LRRC18: variants seen among roughly 807,000 people sequenced by gnomAD.
LRRC18 encodes leucine rich repeat containing 18, also known as leucine-rich repeat-containing protein 18.
A neutral mutation model predicts 11.2 loss-of-function variants in LRRC18; 12 were observed. That is an observed-to-expected ratio of 1.07 (90% CI 0.69 to 1.74). The LOEUF (loss-of-function observed/expected upper bound fraction) is 1.74, where lower values mean the gene tolerates loss of function less well. Among genes scored for constraint, LRRC18 ranks in the 40% most tolerant of loss-of-function variants. The pLI, the probability that LRRC18 is intolerant of heterozygous loss-of-function variation, is 0.00. For synonymous variants in LRRC18, 155 were observed against 130.6 expected (o/e 1.19, Z -1.27); for missense variants, 374 against 330.5 (o/e 1.13, Z -1.02).
upstream of LRRC18, among the ~76,000 whole-genome samples, chr10:48,917,046 C>T (rs924222612): frequency 1.3e-5 from 2 of 152,092 alleles, no homozygotes; most frequent in Non-Finnish European, 2.9e-5. Context: ...CCTTGTGTTA[C>T]AATTGCCTAT....
At chr10:48,913,066 G>T (rs779845218) in intron 1 of LRRC18, among the ~76,000 whole-genome samples, 1 of 152,194 alleles carries the variant, frequency 6.6e-6, no homozygotes, top group African/African-American at 2.4e-5. Flanking sequence ...GTGTGTGGCG[G>T]CATTAGCTGC....
the LRRC18 span, among the ~76,000 whole-genome samples, chr10:48,934,271 C>G: frequency 9.2e-5 from 14 of 152,224 alleles, no homozygotes; most frequent in Non-Finnish European, 1.5e-4. Context: ...AAAGACACTA[C>G]CTACTTTTTA....
At chr10:48,923,957 C>T in the LRRC18 span, among the ~76,000 whole-genome samples, 34 of 152,176 alleles carry the variant, frequency 2.2e-4, no homozygotes, top group Non-Finnish European at 4.4e-4. Flanking sequence ...ACAGCCCACC[C>T]ACACTGTGAG....
At chr10:48,926,928 G>A in the LRRC18 span, among the ~76,000 whole-genome samples, 1 of 152,184 alleles carries the variant, frequency 6.6e-6, no homozygotes, top group Non-Finnish European at 1.5e-5. Context: ...CAGTGTGAAC[G>A]CCTTGCCACA....
At chr10:48,910,216 C>G in exon 2 of LRRC18, 1 of 1,330,976 alleles carries the variant, frequency 7.5e-7, no homozygotes. Flanking sequence ...GAGTAGTCTT[C>G]AAGATTTTGC....
chr10:48,931,693 G>A, the LRRC18 span, among the ~76,000 whole-genome samples: 1 of 152,216 alleles, frequency 6.6e-6, no homozygotes, highest in Non-Finnish European at 1.5e-5. Flanking sequence ...TTCAGAAAAT[G>A]CTGCAATGTC....
the LRRC18 span, among the ~76,000 whole-genome samples, chr10:48,920,469 A>G: frequency 6.6e-6 from 1 of 152,216 alleles, no homozygotes; most frequent in African/African-American, 2.4e-5. Flanking sequence ...ATACATATGT[A>G]ACTAACCTGC....
chr10:48,923,267 G>C, the LRRC18 span, among the ~76,000 whole-genome samples: 8 of 151,894 alleles, frequency 5.3e-5, no homozygotes, highest in African/African-American at 1.9e-4. Context: ...GGGGGATGTT[G>C]TGTACCACAG....
At chr10:48,923,506 A>G in the LRRC18 span, among the ~76,000 whole-genome samples, 17 of 115,164 alleles carry the variant, frequency 1.5e-4, 2 homozygotes, top group Non-Finnish European at 2.3e-4. Flanking sequence ...GTATATATAT[A>G]TATATATGTC....
the LRRC18 span, among the ~76,000 whole-genome samples, chr10:48,921,960 A>G: frequency 3.9e-5 from 6 of 152,212 alleles, no homozygotes; most frequent in Non-Finnish European, 8.8e-5. Context: ...CATTTTCCCA[A>G]CTAAGTATTT....
At chr10:48,919,983 T>A in the LRRC18 span, among the ~76,000 whole-genome samples, 2 of 152,182 alleles carry the variant, frequency 1.3e-5, no homozygotes, top group Non-Finnish European at 2.9e-5. Context: ...ATATTCTTCA[T>A]GAACATAGTT....
At chr10:48,920,667 G>A in the LRRC18 span, among the ~76,000 whole-genome samples, 2 of 152,150 alleles carry the variant, frequency 1.3e-5, no homozygotes, top group Admixed American at 6.5e-5. Context: ...TCTAACCAGT[G>A]CAATAATGCA....
chr10:48,916,102 G>A (rs888026472), upstream of LRRC18, among the ~76,000 whole-genome samples: 2 of 152,250 alleles, frequency 1.3e-5, no homozygotes, highest in Non-Finnish European at 2.9e-5. Context: ...TGGGGACTCT[G>A]AGATAAGTGA....
At chr10:48,921,071 T>C in the LRRC18 span, among the ~76,000 whole-genome samples, 1 of 152,160 alleles carries the variant, frequency 6.6e-6, no homozygotes, top group Non-Finnish European at 1.5e-5. Context: ...TCTCCCCAAA[T>C]TGGTCTAATC....
At chr10:48,929,838 A>C in the LRRC18 span, among the ~76,000 whole-genome samples, 1 of 152,120 alleles carries the variant, frequency 6.6e-6, no homozygotes, top group Admixed American at 6.5e-5. Flanking sequence ...TCAGGGCCCA[A>C]ACTGTGGCAT....
the LRRC18 span, among the ~76,000 whole-genome samples, chr10:48,919,915 A>G: frequency 6.6e-6 from 1 of 152,324 alleles, no homozygotes; most frequent in Non-Finnish European, 1.5e-5. Flanking sequence ...TTCTGATGTC[A>G]GCATTACCCT....
At chr10:48,934,525 G>A in the LRRC18 span, among the ~76,000 whole-genome samples, 31 of 152,322 alleles carry the variant, frequency 2.0e-4, no homozygotes, top group African/African-American at 7.0e-4. Context: ...CTTGAGGAGT[G>A]TGTTCCTGTG....
chr10:48,931,397 C>T, the LRRC18 span, among the ~76,000 whole-genome samples: 20 of 152,182 alleles, frequency 1.3e-4, no homozygotes, highest in Admixed American at 4.6e-4. Context: ...CCCAAGGCAG[C>T]CGTTCCTGTT....
intron 1 of LRRC18, among the ~76,000 whole-genome samples, chr10:48,912,286 C>T (rs1239706507): frequency 2.0e-5 from 3 of 152,198 alleles, no homozygotes; most frequent in Non-Finnish European, 2.9e-5. Flanking sequence ...CTGGCTTCTG[C>T]TGAGTACGTT....
Sources: allele counts gnomAD v4.1 joint callset (sites outside exome capture counted in the v4.1 genomes callset), GRCh38; gene constraint gnomAD v4.1.1; transcripts MANE v1.5; gene names NCBI Gene and HGNC (gene_info 2026-07-23, HGNC 2026-07-21).